The following FBXO47 variants were observed in gnomAD, a reference collection of about 807,000 sequenced individuals.
FBXO47 encodes the protein F-box only protein 47.
A neutral mutation model predicts 53.9 loss-of-function variants in FBXO47; 34 were observed. That is an observed-to-expected ratio of 0.63 (90% CI 0.48 to 0.84). The LOEUF (loss-of-function observed/expected upper bound fraction) is 0.84. Among genes scored for constraint, FBXO47 ranks in the 40% least tolerant of loss-of-function variants. FBXO47 has a pLI of 0.00. For missense variants in FBXO47, 485 were observed against 541.3 expected (o/e 0.90, Z 1.03); for synonymous variants, 165 against 181.6 (o/e 0.91, Z 0.73).
chr17:38,942,541 C>T (rs1904556916), intron 9 of FBXO47, among the ~76,000 whole-genome samples: 1 of 152,054 alleles, frequency 6.6e-6, no homozygotes, highest in Admixed American at 6.6e-5. Context: ...TTGCGGTGAG[C>T]CGAGATCGCA....
intron 6 of FBXO47, among the ~76,000 whole-genome samples, chr17:38,947,109 T>TATATAAAC (rs1904983625): frequency 1.1e-5 from 1 of 93,262 alleles, no homozygotes; most frequent in African/African-American, 3.0e-5. Flanking sequence ...TATATAAACA[T>TATATAAAC]ATATATATAA....
intron 7 of FBXO47, among the ~76,000 whole-genome samples, chr17:38,944,119 T>C (rs1374151983): frequency 6.6e-6 from 1 of 150,726 alleles, no homozygotes; most frequent in Non-Finnish European, 1.5e-5. Flanking sequence ...GAGGCGGAGG[T>C]TGCAGTGAGT....
intron 7 of FBXO47, among the ~76,000 whole-genome samples, chr17:38,944,744 A>G (rs1231320893): frequency 5.4e-5 from 8 of 148,622 alleles, no homozygotes; most frequent in African/African-American, 2.0e-4. Context: ...GGTTGCACGC[A>G]CCTGCAGTCC....
chr17:38,951,656 G>T lies in FBXO47; in HGVS notation c.541C>A (p.His181Asn), dbSNP rs1468707903. ...LTAGWDELEC[H>N]RVYNFLCELT... is the part of the protein sequence containing the mutation. Reference sequence around the variant, plus strand: ...TCGCATAAGAAATTATAAACGCGATGGCACTCAAGTTCATCCCAACCTGCT... The same window carrying T: ...TCGCATAAGAAATTATAAACGCGATTGCACTCAAGTTCATCCCAACCTGCT... Residue 181 changes from histidine (H) to asparagine (N), a missense_variant, in exon 6 of 11, where the codon CAT becomes AAT. Coordinates refer to ENST00000378079, the MANE Select transcript of FBXO47 (RefSeq NM_001008777.3). 37 of 1,613,794 alleles carry T rather than the reference G, an allele frequency of 2.3e-5. No individual in the cohort carries two copies. In the Admixed American group the frequency reaches 6.2e-4, roughly 27 times the overall value.
At chr17:38,946,175 A>T (rs1304509284) in intron 6 of FBXO47, among the ~76,000 whole-genome samples, 3 of 115,280 alleles carry the variant, frequency 2.6e-5, no homozygotes, top group African/African-American at 1.1e-4. Flanking sequence ...AATATATAAA[A>T]ATATATATAA....
chr17:38,966,946 G>A (rs1250542911), intron 1 of FBXO47, among the ~76,000 whole-genome samples: 1 of 152,048 alleles, frequency 6.6e-6, no homozygotes, highest in Admixed American at 6.6e-5. Context: ...CGCGTGAAAG[G>A]TTTTGAGGGT....
intron 9 of FBXO47, among the ~76,000 whole-genome samples, chr17:38,939,660 T>C (rs1904414427): frequency 1.0e-5 from 1 of 96,648 alleles, no homozygotes; most frequent in African/African-American, 3.3e-5. Flanking sequence ...TTCTTTTTTT[T>C]TTTTTTTTTT....
chr17:38,962,199 T>C lies in FBXO47; in HGVS notation c.182-152A>G, dbSNP rs113296136. 2.4e-4 allele frequency: 152 copies of C among 639,720 alleles called. 1 individual carries two copies. The highest frequency in any genetic ancestry group is 8.8e-4 in the African/African-American group (48 of 54,372). The allele number at this position is 639,720 out of a possible 1,614,324, so 39.6% of individuals were successfully genotyped here. A position where few individuals can be genotyped will look rare whatever the true frequency, so the allele number is the denominator to read the frequency against. ...AAAAAAGGGAAAAACCTTAAAATTG[T>C]TTAAAATCTGGTTCTCAATGAATTA... On this transcript the variant is annotated intron_variant, in intron 2 of 10. Transcript: ENST00000378079.
Position 38,945,075 on chromosome 17 carries a change from A to G in FBXO47, c.678T>C (p.His226=), listed in dbSNP as rs370821382. 81 of 1,613,794 alleles carry G rather than the reference A, an allele frequency of 5.0e-5. 1 individual carries two copies. The African/African-American group carries it at 5.2e-4, about 10-fold the overall frequency. Residue 226 remains histidine (H), a synonymous_variant, in exon 7 of 11, where the codon CAT becomes CAC. Transcript: ENST00000378079. ...RLFCRNVLLD[H]WTHRSDSAFW... is the part of the protein sequence containing the mutation. ...AAGCAGAATCACTTCGATGTGTCCA[A>G]TGATCAAGGAGGACATTCCTACAGA...
intron 4 of FBXO47, among the ~76,000 whole-genome samples, chr17:38,955,777 G>T (rs1163916383): frequency 6.6e-6 from 1 of 151,720 alleles, no homozygotes; most frequent in Non-Finnish European, 1.5e-5. Context: ...GACCAACATG[G>T]TGAAACCCTG....
chr17:38,956,641 A>T (rs1033061903), intron 4 of FBXO47, among the ~76,000 whole-genome samples: 14 of 151,952 alleles, frequency 9.2e-5, no homozygotes, highest in African/African-American at 3.4e-4. Context: ...AGCAGATACC[A>T]CTGAGTGTAG....
chr17:38,965,730 A>T (rs1265055730), intron 1 of FBXO47, among the ~76,000 whole-genome samples: 1 of 143,446 alleles, frequency 7.0e-6, no homozygotes, highest in Non-Finnish European at 1.5e-5. Context: ...AAAAAAAAAA[A>T]AAATTAGCCG....
chr17:38,960,863 C>G (rs1028329351), intron 3 of FBXO47, among the ~76,000 whole-genome samples: 11 of 152,014 alleles, frequency 7.2e-5, no homozygotes, highest in African/African-American at 2.7e-4. Context: ...AACTCCTGAC[C>G]TCAGGTGATC....
chr17:38,955,572 T>C (rs1905512113), intron 4 of FBXO47, among the ~76,000 whole-genome samples: 1 of 151,670 alleles, frequency 6.6e-6, no homozygotes, highest in Admixed American at 6.6e-5. Flanking sequence ...GCCTCCCAAG[T>C]AGCTGGAATT....
chr17:38,943,470 A>G (rs1567714844), intron 8 of FBXO47, 120 bp downstream of exon 8: 1 of 576,590 alleles, frequency 1.7e-6, no homozygotes, highest in Non-Finnish European at 2.8e-6. Flanking sequence ...AATATTTTAG[A>G]GCATTCAGTG....
intron 6 of FBXO47, among the ~76,000 whole-genome samples, chr17:38,949,449 C>A (rs2143928950): frequency 6.7e-6 from 1 of 150,218 alleles, no homozygotes; most frequent in African/African-American, 2.5e-5. Context: ...CAAAACAAAA[C>A]AACAATAACA....
rs373996927 is a variant in FBXO47 at position 38,938,606 on chromosome 17, C to G, written c.1210G>C (p.Val404Leu). The G allele has an allele frequency of 3.7e-6, 6 of 1,613,114 alleles. No homozygotes were observed. In the African/African-American group the frequency reaches 8.0e-5, roughly 22 times the overall value. The part of the protein sequence containing the change: ...LQNVANAFAC[V>L]IMEMLQSIMS... ...ATTGATTGCAGCATTTCCATTATAA[C>G]ACATGCAAATGCATTTGCCACATTC... The change falls in exon 10 of 11, where the codon GTT becomes CTT. Residue 404 changes from valine (V) to leucine (L), a missense_variant. Val to Leu is a conservative substitution (Grantham distance 32). Coordinates refer to ENST00000378079, the MANE Select transcript of FBXO47 (RefSeq NM_001008777.3).
At position 38,936,895 on chromosome 17, in the gene FBXO47, G is replaced by GA; in HGVS notation, c.*279dup. The GA allele has an allele frequency of 3.9e-6, 1 of 257,544 alleles. No individual in the cohort carries two copies. The allele number at this position is 257,544 out of a possible 1,614,324, so 16.0% of individuals were successfully genotyped here. On this transcript the variant is annotated 3_prime_UTR_variant, in exon 11 of 11. Transcript: ENST00000378079. ...ACAGGTTGGCTGGTCCCAGATTCTT[G>GA]AACAGCTAACATTCTATTTTGGTTT...
intron 10 of FBXO47, among the ~76,000 whole-genome samples, chr17:38,938,150 A>G (rs1014164636): frequency 8.5e-5 from 13 of 152,202 alleles, no homozygotes; most frequent in Non-Finnish European, 1.5e-4. Flanking sequence ...TCTAAGCCTT[A>G]GTTTTCTCAT....
Sources: gnomAD v4.1 joint callset for allele counts (sites outside exome capture counted in the v4.1 genomes callset) on GRCh38, gnomAD v4.1.1 for gene constraint, MANE v1.5 for transcripts, NCBI Gene and HGNC (gene_info 2026-07-23, HGNC 2026-07-21) for gene names.